The following BTAF1 variants were observed in gnomAD, a reference collection of about 807,000 sequenced individuals.
BTAF1 encodes the protein TATA-binding protein-associated factor 172.
A neutral mutation model predicts 227.1 loss-of-function variants in BTAF1; 38 were observed. That is an observed-to-expected ratio of 0.17 (90% CI 0.13 to 0.22). The LOEUF (loss-of-function observed/expected upper bound fraction) is 0.22, where lower values mean the gene tolerates loss of function less well. BTAF1 is among the 10% of genes least tolerant of loss of function. The pLI, the probability that BTAF1 is intolerant of heterozygous loss-of-function variation, is 1.00. For synonymous variants in BTAF1, 742 were observed against 751.9 expected (o/e 0.99, Z 0.21); for missense variants, 1,598 against 2,204.0 (o/e 0.73, Z 5.51).
At chr10:91,939,605 A>G (rs1390784504) in intron 2 of BTAF1, among the ~76,000 whole-genome samples, 1 of 151,866 alleles carries the variant, frequency 6.6e-6, no homozygotes, top group Non-Finnish European at 1.5e-5. Context: ...TGCCTGGCTA[A>G]TTTTGTATTT....
At chr10:91,941,211 G>A (rs981636645) in intron 3 of BTAF1, among the ~76,000 whole-genome samples, 1 of 152,046 alleles carries the variant, frequency 6.6e-6, no homozygotes, top group South Asian at 2.1e-4. Flanking sequence ...ACTTAGTTTG[G>A]TATGTAAAGA....
At chr10:91,926,131 C>G (rs1843809281) in intron 1 of BTAF1, among the ~76,000 whole-genome samples, 1 of 152,162 alleles carries the variant, frequency 6.6e-6, no homozygotes, top group Non-Finnish European at 1.5e-5. Flanking sequence ...AGCTGGCCTT[C>G]TCCATGCACG....
rs1341508845 is a variant in BTAF1 at position 92,030,368 on chromosome 10, A to G, written c.*1435A>G. ...TATTTGTAGGAAATGGTCACTAGAA[A>G]GAGCAAAAGATTATTCAGGTATACA... On this transcript the variant is annotated 3_prime_UTR_variant, in exon 38 of 38. Coordinates refer to ENST00000265990, the MANE Select transcript of BTAF1 (RefSeq NM_003972.3). 6.6e-6 allele frequency: 1 copy of G among 152,534 alleles called. No individual in the cohort carries two copies. Among genetic ancestry groups the G allele is most frequent in the East Asian group, 1.9e-4 (1 of 5,204 alleles). The allele number at this position is 152,534 out of a possible 1,614,324, so 9.4% of individuals were successfully genotyped here.
chr10:92,025,041 T>TA, intron 35 of BTAF1, 74 bp downstream of exon 35: 1 of 1,322,542 alleles, frequency 7.6e-7, no homozygotes, highest in Non-Finnish European at 1.0e-6. Context: ...CCATGAAATA[T>TA]TTTCATTGGC....
At chr10:91,996,336 T>C (rs1341345031) in intron 23 of BTAF1, 33 bp from the exon 24 acceptor site, 2 of 1,581,640 alleles carry the variant, frequency 1.3e-6, no homozygotes, top group Non-Finnish European at 1.7e-6. Context: ...TATTTCCTAA[T>C]AATTCTAATT....
intron 14 of BTAF1, among the ~76,000 whole-genome samples, chr10:91,971,032 CTT>C (rs1847259238): frequency 6.6e-6 from 1 of 152,186 alleles, no homozygotes; most frequent in African/African-American, 2.4e-5. Flanking sequence ...TCCCTTTAGA[CTT>C]TTAAAACATT....
In BTAF1 at chr10:91,987,477, GGTC is replaced by G. The variant is rs564059351; in HGVS notation, c.2428-1676_2428-1674del. ...CAGCCTGGGTGACAGAGTGAGACTT[GGTC>G]TCAAAAAAAAAAAGAAAGTCTCATG... On this transcript the variant is annotated intron_variant, in intron 19 of 37. Coordinates refer to ENST00000265990, the MANE Select transcript of BTAF1 (RefSeq NM_003972.3). Among the ~76,000 whole-genome samples, 1,125 of 151,342 alleles carry G rather than the reference GGTC, an allele frequency of 7.4e-3. 11 individuals are homozygous for G. The highest frequency in any genetic ancestry group is 0.025 in the African/African-American group (1,044 of 41,250).
intron 30 of BTAF1, among the ~76,000 whole-genome samples, chr10:92,012,924 A>G (rs1410581937): frequency 5.3e-5 from 8 of 152,198 alleles, no homozygotes; most frequent in African/African-American, 1.7e-4. Context: ...TGGTTCAGAC[A>G]TCGGAAGAAG....
intron 1 of BTAF1, among the ~76,000 whole-genome samples, chr10:91,926,772 C>T (rs906047121): frequency 6.6e-6 from 1 of 152,214 alleles, no homozygotes; most frequent in African/African-American, 2.4e-5. Context: ...TCTCCTTTTC[C>T]TGCCTTCCAT....
At chr10:91,945,758 ATC>A (rs1417438712) in intron 4 of BTAF1, among the ~76,000 whole-genome samples, 1 of 152,236 alleles carries the variant, frequency 6.6e-6, no homozygotes, top group Non-Finnish European at 1.5e-5. Flanking sequence ...ATGTACAGAT[ATC>A]TGTTTGAGTT....
rs1843651417 is a variant in BTAF1, at chr10:91,923,962, G to C, written c.-115G>C. 1.5e-6 allele frequency: 2 copies of C among 1,343,962 alleles called. No homozygotes were observed. The highest frequency in any genetic ancestry group is 6.9e-5 in the Admixed American group (2 of 29,192). 83.3% of individuals were successfully genotyped at this position (1,343,962 alleles called of 1,614,324 possible). A position where few individuals can be genotyped will look rare whatever the true frequency, so the allele number is the denominator to read the frequency against. ...GCGCTGGAACGCCCCACGCCGCACCGGCCGCTCCCCTGTGCTCCGCGGCCT... is the reference window on the plus strand; with the variant it reads ...GCGCTGGAACGCCCCACGCCGCACCCGCCGCTCCCCTGTGCTCCGCGGCCT... On this transcript the variant is annotated 5_prime_UTR_variant, in exon 1 of 38. Transcript: ENST00000265990.
intron 13 of BTAF1, among the ~76,000 whole-genome samples, 165 bp from the exon 14 acceptor site, chr10:91,966,472 T>C (rs1245917278): frequency 6.6e-6 from 1 of 152,332 alleles, no homozygotes; most frequent in Non-Finnish European, 1.5e-5. Flanking sequence ...TGAATGACAT[T>C]GTTACATGAA....
In BTAF1 at chr10:91,969,597, C is replaced by G. The variant is rs183603073; in HGVS notation, c.1650+2840C>G. On this transcript the variant is annotated intron_variant, in intron 14 of 37. Coordinates refer to ENST00000265990, the MANE Select transcript of BTAF1 (RefSeq NM_003972.3). The stretch of plus-strand genomic sequence containing the variant: ...CTCTGCTGTCAATTGTGATTTCTCA[C>G]TTTTGTTAGTCTTGTAATACCTCCT... 5.3e-5 allele frequency among the ~76,000 whole-genome samples: 8 copies of G among 152,264 alleles called. No individual in the cohort carries two copies. In the East Asian group the frequency reaches 1.5e-3, roughly 29 times the overall value.
intron 14 of BTAF1, among the ~76,000 whole-genome samples, chr10:91,970,296 G>C (rs1193482744): frequency 6.6e-6 from 1 of 151,960 alleles, no homozygotes; most frequent in Non-Finnish European, 1.5e-5. Context: ...TTCTGTGCTG[G>C]GTTTCCTGGG....
chr10:91,942,177 T>C (rs1327526413), intron 3 of BTAF1, among the ~76,000 whole-genome samples: 1 of 152,020 alleles, frequency 6.6e-6, no homozygotes, highest in African/African-American at 2.4e-5. Flanking sequence ...CTAGCTACTC[T>C]GGAGGCTGAG....
chr10:91,928,255 A>G (rs1372469050), intron 1 of BTAF1, among the ~76,000 whole-genome samples: 1 of 152,122 alleles, frequency 6.6e-6, no homozygotes, highest in African/African-American at 2.4e-5. Context: ...CAGTTGTAAG[A>G]ATGTGGCAGA....
chr10:91,982,327 C>T, intron 17 of BTAF1, 102 bp downstream of exon 17: 1 of 1,493,048 alleles, frequency 6.7e-7, no homozygotes, highest in Non-Finnish European at 9.2e-7. Context: ...ATCAGTCCTT[C>T]CTTCCTTCAT....
At chr10:91,969,297 TA>T (rs1158612943) in intron 14 of BTAF1, among the ~76,000 whole-genome samples, 1 of 152,092 alleles carries the variant, frequency 6.6e-6, no homozygotes, top group Admixed American at 6.6e-5. Flanking sequence ...AGGTATTCTG[TA>T]TAAATGAAAT....
intron 14 of BTAF1, among the ~76,000 whole-genome samples, chr10:91,978,332 CT>C (rs1847828187): frequency 6.6e-6 from 1 of 152,064 alleles, no homozygotes; most frequent in Admixed American, 6.6e-5. Flanking sequence ...CTACAGGCAA[CT>C]GCTTGGATTG....
Sources: gnomAD v4.1 joint callset for allele counts (sites outside exome capture counted in the v4.1 genomes callset) on GRCh38, gnomAD v4.1.1 for gene constraint, MANE v1.5 for transcripts, NCBI Gene and HGNC (gene_info 2026-07-23, HGNC 2026-07-21) for gene names.